The following NRG4 variants were observed in gnomAD, a reference collection of about 807,000 sequenced individuals.
The protein encoded by NRG4 is pro-neuregulin-4, membrane-bound isoform.
Under a neutral mutation model 15.0 loss-of-function variants are expected in NRG4, and 10 were observed. The ratio of observed to expected loss-of-function variants is 0.67; its 90% CI spans 0.41 to 1.13. The LOEUF is 1.13. Among genes scored for constraint, NRG4 ranks in the 50% most tolerant of loss-of-function variants. The pLI is 0.00. For missense variants in NRG4, 139 were observed against 140.2 expected (o/e 0.99, Z 0.04); for synonymous variants, 41 against 50.1 (o/e 0.82, Z 0.77).
At chr15:76,006,650 G>A (rs913464108) in intron 3 of NRG4, among the ~76,000 whole-genome samples, 4 of 152,060 alleles carry the variant, frequency 2.6e-5, no homozygotes, top group Non-Finnish European at 5.9e-5. Context: ...GAACCCATGT[G>A]GCATGGTTTC....
At chr15:76,044,562 G>A (rs2035824428) in intron 4 of NRG4, among the ~76,000 whole-genome samples, 1 of 150,226 alleles carries the variant, frequency 6.7e-6, no homozygotes. Flanking sequence ...TAGGCCGGGT[G>A]CAGTGGCTCA....
intron 4 of NRG4, among the ~76,000 whole-genome samples, chr15:76,044,601 T>A (rs168029): frequency 6.7e-6 from 1 of 149,072 alleles, no homozygotes; most frequent in Non-Finnish European, 1.5e-5. Flanking sequence ...TTTGGGAGGC[T>A]GAGGTGGGTG....
chr15:75,998,040 A>G (rs1006406651), intron 3 of NRG4, among the ~76,000 whole-genome samples: 1 of 152,154 alleles, frequency 6.6e-6, no homozygotes, highest in Admixed American at 6.5e-5. Flanking sequence ...GTTTCAGATC[A>G]CTCTGCTTTA....
At chr15:75,961,254 G>C (rs1360394103) in intron 4 of NRG4, among the ~76,000 whole-genome samples, 1 of 151,728 alleles carries the variant, frequency 6.6e-6, no homozygotes, top group Non-Finnish European at 1.5e-5. Context: ...GTAATCTTCA[G>C]TGCATAATTG....
At chr15:76,047,621 T>G (rs2035903546) in intron 4 of NRG4, among the ~76,000 whole-genome samples, 1 of 150,100 alleles carries the variant, frequency 6.7e-6, no homozygotes, top group Non-Finnish European at 1.5e-5. Flanking sequence ...CCATTAAGGA[T>G]AGAGGAGAGG....
At chr15:75,957,836 C>T (rs1443408844) in intron 4 of NRG4, among the ~76,000 whole-genome samples, 1 of 151,940 alleles carries the variant, frequency 6.6e-6, no homozygotes, top group African/African-American at 2.4e-5. Flanking sequence ...TATCTATTTT[C>T]CAATTCATTA....
intron 4 of NRG4, among the ~76,000 whole-genome samples, chr15:76,043,844 A>T (rs543618202): frequency 6.6e-6 from 1 of 152,252 alleles, no homozygotes; most frequent in South Asian, 2.1e-4. Flanking sequence ...ATGCTAAGCA[A>T]AAAGAACAAA....
At position 75,941,940 on chromosome 15, in the gene NRG4, CAAAAAAA is replaced by C. The variant is rs780414439; in HGVS notation, c.*1691_*1697del. Reference sequence around the variant, plus strand: ...TTGCCACAGTAAATTTTTAAACCACCAAAAAAAAAAAAAAAAAAAAATATGGCCTAGC... The same window carrying C: ...TTGCCACAGTAAATTTTTAAACCACCAAAAAAAAAAAAAATATGGCCTAGC... On this transcript the variant is annotated 3_prime_UTR_variant, in exon 6 of 6. Transcript: ENST00000394907. 2 of 24,848 alleles carry C rather than the reference CAAAAAAA, an allele frequency of 8.0e-5. No individual in the cohort carries two copies. The highest frequency in any genetic ancestry group is 2.2e-4 in the African/African-American group (2 of 9,078). 1.5% of individuals were successfully genotyped at this position (24,848 alleles called of 1,614,324 possible). A position where few individuals can be genotyped will look rare whatever the true frequency, so the allele number is the denominator to read the frequency against.
intron 3 of NRG4, among the ~76,000 whole-genome samples, chr15:75,973,666 C>T (rs1254479778): frequency 1.2e-4 from 19 of 152,120 alleles, no homozygotes; most frequent in East Asian, 1.9e-4. Flanking sequence ...TGATGGATTA[C>T]GTGTATTGAT....
intron 3 of NRG4, chr15:75,971,344 G>C (rs2033082416): frequency 2.8e-6 from 1 of 353,444 alleles, no homozygotes; most frequent in Non-Finnish European, 5.5e-6. Context: ...TGAGATGACA[G>C]AGACTCTGGT....
downstream of NRG4, chr15:75,940,234 C>G (rs35031760): frequency 0.23 from 34,871 of 151,798 alleles, 4,824 homozygotes; most frequent in Non-Finnish European, 0.31. Flanking sequence ...AAGAACAGTC[C>G]CATTTACCAT....
chr15:75,941,235 C>A lies in NRG4; in HGVS notation c.*2403G>T, dbSNP rs1245296559. The A allele has an allele frequency of 6.6e-6, 1 of 152,030 alleles. No homozygotes were observed. The highest frequency in any genetic ancestry group is 1.5e-5 in the Non-Finnish European group (1 of 67,964). The allele number at this position is 152,030 out of a possible 1,614,324, so 9.4% of individuals were successfully genotyped here. On this transcript the variant is annotated 3_prime_UTR_variant, in exon 6 of 6. Coordinates refer to ENST00000394907, the MANE Select transcript of NRG4 (RefSeq NM_138573.4). ...GCAAATCAAAACCACATTGAGATAC[C>A]ACTTCATACCCACTGGGATAGCTCT...
chr15:75,955,901 TA>T, intron 5 of NRG4, 30 bp downstream of exon 5: 1 of 1,288,774 alleles, frequency 7.8e-7, no homozygotes, highest in Non-Finnish European at 1.1e-6. Flanking sequence ...TCTAGGGTTT[TA>T]AAATAAGCAT....
chr15:76,040,131 C>T (rs560071275), intron 4 of NRG4, among the ~76,000 whole-genome samples: 1 of 151,918 alleles, frequency 6.6e-6, no homozygotes, highest in African/African-American at 2.4e-5. Flanking sequence ...ATCAAACTCC[C>T]AAAGGTTAAG....
At chr15:76,007,438 T>A (rs1259611181) in intron 3 of NRG4, among the ~76,000 whole-genome samples, 1 of 150,770 alleles carries the variant, frequency 6.6e-6, no homozygotes, top group Non-Finnish European at 1.5e-5. Flanking sequence ...TTTTTTTTTT[T>A]TTTTTTTTTG....
intron 5 of NRG4, among the ~76,000 whole-genome samples, chr15:75,947,615 T>A (rs1007197070): frequency 6.6e-6 from 1 of 152,180 alleles, no homozygotes; most frequent in East Asian, 1.9e-4. Flanking sequence ...TATACAAATA[T>A]CTGTTTGAGT....
intron 5 of NRG4, among the ~76,000 whole-genome samples, chr15:75,946,958 G>GT (rs2031563569): frequency 6.6e-6 from 1 of 152,130 alleles, no homozygotes; most frequent in Non-Finnish European, 1.5e-5. Flanking sequence ...CCACTGATGG[G>GT]TATTTGGGTT....
chr15:75,984,777 AAAGTAT>A (rs148573330), intron 3 of NRG4, among the ~76,000 whole-genome samples: 2,032 of 152,318 alleles, frequency 0.013, 17 homozygotes, highest in Middle Eastern at 0.054. Flanking sequence ...CCCAGAACTT[AAAGTAT>A]AATAAAAAAA....
chr15:76,015,637 A>G (rs781778964), upstream of NRG4, among the ~76,000 whole-genome samples: 19 of 152,082 alleles, frequency 1.2e-4, no homozygotes, highest in Non-Finnish European at 2.5e-4. Context: ...TGTTTATGTG[A>G]TGGATTACGG....
Sources: gnomAD v4.1 joint callset for allele counts (sites outside exome capture counted in the v4.1 genomes callset) on GRCh38, gnomAD v4.1.1 for gene constraint, MANE v1.5 for transcripts, NCBI Gene and HGNC (gene_info 2026-07-23, HGNC 2026-07-21) for gene names.